Variants in MED13L observed in about 807,000 individuals in gnomAD.
The protein encoded by MED13L is mediator complex subunit 13L, also known as mediator of RNA polymerase II transcription subunit 13-like.
MED13L carries 7 observed loss-of-function variants against 220.9 expected under a neutral mutation model. The observed-to-expected ratio is 0.03, with a 90% CI of 0.02 to 0.06. MED13L has a LOEUF of 0.06. MED13L is among the 10% of genes least tolerant of loss of function. The pLI is 1.00. For synonymous variants in MED13L, 1,011 were observed against 1,015.2 expected, an observed-to-expected ratio of 1.00 and a Z score of 0.08; for missense variants, 1,965 against 2,760.5, an observed-to-expected ratio of 0.71 and a Z score of 6.46.
At chr12:115,965,051 A>AT (rs1876045954) in intron 29 of MED13L, among the ~76,000 whole-genome samples, 1 of 152,236 alleles carries the variant, frequency 6.6e-6, no homozygotes, top group African/African-American at 2.4e-5. Context: ...TTATAATAGT[A>AT]TGTTAAAGTC....
chr12:115,968,525 C>G (rs1171609612), intron 28 of MED13L, among the ~76,000 whole-genome samples: 1 of 152,150 alleles, frequency 6.6e-6, no homozygotes, highest in South Asian at 2.1e-4. Flanking sequence ...CAAGCCATCA[C>G]CAACGTGTTC....
chr12:116,277,166 T>A lies in MED13L; in HGVS notation c.-35A>T. ...CGAGCCCGGCCGCCAGAGCGGGGCA[T>A]GTCGGAGCGAGGCGTCCGAGGCGAG... On this transcript the variant is annotated 5_prime_UTR_variant, in exon 1 of 31. It removes an upstream start codon present in the reference 5' UTR. Coordinates refer to ENST00000281928, the MANE Select transcript of MED13L (RefSeq NM_015335.5). 1 of 1,517,446 alleles carries A rather than the reference T, an allele frequency of 6.6e-7. No individual in the cohort carries two copies. The highest frequency in any genetic ancestry group is 8.9e-7 in the Non-Finnish European group (1 of 1,127,984). 94.0% of individuals were successfully genotyped at this position (1,517,446 alleles called of 1,614,324 possible). A position where few individuals can be genotyped will look rare whatever the true frequency, so the allele number is the denominator to read the frequency against.
At chr12:115,963,375 T>C (rs775006232) in intron 30 of MED13L, 32 bp downstream of exon 30, 1 of 1,466,506 alleles carries the variant, frequency 6.8e-7, no homozygotes, top group African/African-American at 1.4e-5. Context: ...TGTTTCAAAT[T>C]GCACTGCTAT....
intron 2 of MED13L, among the ~76,000 whole-genome samples, chr12:116,218,801 T>C (rs1883151273): frequency 6.6e-6 from 1 of 151,940 alleles, no homozygotes; most frequent in East Asian, 1.9e-4. Flanking sequence ...TGGTGCAATC[T>C]CAGCTCACTG....
At chr12:116,211,670 A>G (rs771382073) in intron 2 of MED13L, among the ~76,000 whole-genome samples, 1 of 152,216 alleles carries the variant, frequency 6.6e-6, no homozygotes, top group Non-Finnish European at 1.5e-5. Flanking sequence ...TGACAAAAAA[A>G]ACAGGATGGA....
intron 4 of MED13L, chr12:116,082,756 C>T (rs1593022596): frequency 6.6e-6 from 1 of 152,042 alleles, no homozygotes; most frequent in East Asian, 1.9e-4. Flanking sequence ...TGTAGTGGGT[C>T]CTAATAGTCA....
At chr12:116,253,809 G>A (rs1208314992) in intron 1 of MED13L, among the ~76,000 whole-genome samples, 1 of 140,718 alleles carries the variant, frequency 7.1e-6, no homozygotes, top group East Asian at 2.0e-4. Flanking sequence ...ACCCAGGCTG[G>A]AGTGCAGTGG....
chr12:116,198,377 G>T (rs954923856), intron 2 of MED13L, among the ~76,000 whole-genome samples: 1 of 151,966 alleles, frequency 6.6e-6, no homozygotes, highest in African/African-American at 2.4e-5. Flanking sequence ...TGCCTTTCTT[G>T]TGTTTCCTGC....
chr12:116,205,848 C>T (rs969551931), intron 2 of MED13L, among the ~76,000 whole-genome samples: 2 of 151,662 alleles, frequency 1.3e-5, no homozygotes, highest in African/African-American at 4.8e-5. Context: ...TAATCATAAC[C>T]ATACATATTA....
rs543767820 is a variant in MED13L at position 116,079,061 on chromosome 12, T to C, written c.479+17608A>G. 5.9e-5 allele frequency among the ~76,000 whole-genome samples: 9 copies of C among 152,354 alleles called. No homozygotes were observed. The South Asian group carries it at 1.9e-3, about 32-fold the overall frequency. ...CAGCTGTATTCACTTAAGCCAGATATTAAAGAAATTTGCAAAAACAGTGCC... is the reference window on the plus strand; with the variant it reads ...CAGCTGTATTCACTTAAGCCAGATACTAAAGAAATTTGCAAAAACAGTGCC... On this transcript the variant is annotated intron_variant, in intron 4 of 30. Coordinates refer to ENST00000281928, the MANE Select transcript of MED13L (RefSeq NM_015335.5).
At chr12:116,263,633 A>C (rs1872648113) in intron 1 of MED13L, among the ~76,000 whole-genome samples, 1 of 152,248 alleles carries the variant, frequency 6.6e-6, no homozygotes, top group African/African-American at 2.4e-5. Context: ...GTCAAAGGTA[A>C]GAAGTTGGAT....
chr12:115,976,242 C>T (rs1876928848), intron 23 of MED13L, among the ~76,000 whole-genome samples: 1 of 152,022 alleles, frequency 6.6e-6, no homozygotes, highest in African/African-American at 2.4e-5. Context: ...ATCACAATAG[C>T]TCCAAACAGA....
intron 4 of MED13L, among the ~76,000 whole-genome samples, chr12:116,080,157 A>G (rs1305465771): frequency 6.6e-6 from 1 of 152,048 alleles, no homozygotes; most frequent in South Asian, 2.1e-4. Flanking sequence ...TTGTAACTTG[A>G]GTGCAACACA....
chr12:115,963,313 G>T, intron 30 of MED13L, 94 bp downstream of exon 30: 1 of 1,047,452 alleles, frequency 9.5e-7, no homozygotes, highest in South Asian at 1.3e-5. Flanking sequence ...CAGCTTCTAT[G>T]AATACCACAC....
In MED13L at chr12:116,236,721, G is replaced by A. The variant is rs117936152; in HGVS notation, c.310+747C>T. 66 of 476,802 alleles carry A rather than the reference G, an allele frequency of 1.4e-4. No homozygotes were observed. In the East Asian group the frequency reaches 8.1e-3, roughly 59 times the overall value. 29.5% of individuals were successfully genotyped at this position (476,802 alleles called of 1,614,324 possible). ...TAAATAGAAACACTTAGATAAAAAGGTAAAAATTTTTACCAGAAATTCAAA... is the reference window on the plus strand; with the variant it reads ...TAAATAGAAACACTTAGATAAAAAGATAAAAATTTTTACCAGAAATTCAAA... On this transcript the variant is annotated intron_variant, in intron 2 of 30. Coordinates refer to ENST00000281928, the MANE Select transcript of MED13L (RefSeq NM_015335.5).
At chr12:116,028,830 T>A (rs538191684) in intron 4 of MED13L, among the ~76,000 whole-genome samples, 1 of 152,294 alleles carries the variant, frequency 6.6e-6, no homozygotes, top group Admixed American at 6.5e-5. Flanking sequence ...CAGGTCTGAT[T>A]CAAGTAATTC....
intron 1 of MED13L, chr12:116,276,706 T>C: frequency 2.7e-6 from 2 of 744,284 alleles, no homozygotes; most frequent in Admixed American, 4.4e-5. Context: ...GCCTTCCACA[T>C]TTACGGGGGG....
Position 115,980,761 on chromosome 12 carries a change from T to G in MED13L, c.5353A>C (p.Lys1785Gln), listed in dbSNP as rs1447654488. The G allele has an allele frequency of 6.2e-7, 1 of 1,614,138 alleles. No homozygotes were observed. Among genetic ancestry groups the G allele is most frequent in the Admixed American group, 1.7e-5 (1 of 60,022 alleles). Residue 1785 changes from lysine to glutamine, a missense_variant, in exon 23 of 31, where the codon AAG becomes CAG. Transcript: ENST00000281928. ...CTGCCAATACCTACCTCAGGGTTCT[T>G]GAGGGTCATCTCAATGCTGGCTGCA... is the stretch of plus-strand genomic sequence containing the variant. The part of the protein sequence containing the change: ...GPAASIEMTL[K>Q]NPERPSPIQL...
chr12:115,964,864 G>A (rs1189261377), intron 29 of MED13L, among the ~76,000 whole-genome samples: 2 of 152,106 alleles, frequency 1.3e-5, no homozygotes, highest in Non-Finnish European at 2.9e-5. Flanking sequence ...AAATGACAAC[G>A]GTGTGCAGGA....
Sources: gnomAD v4.1 joint callset for allele counts (sites outside exome capture counted in the v4.1 genomes callset) on GRCh38, gnomAD v4.1.1 for gene constraint, MANE v1.5 for transcripts, NCBI Gene and HGNC (gene_info 2026-07-23, HGNC 2026-07-21) for gene names.